ZKSCAN4: variants seen among roughly 807,000 people sequenced by gnomAD.
The protein encoded by ZKSCAN4 is zinc finger protein with KRAB and SCAN domains 4.
Under a neutral mutation model 30.8 loss-of-function variants are expected in ZKSCAN4, and 23 were observed. That is an observed-to-expected ratio of 0.75 (90% confidence interval 0.54 to 1.06). The LOEUF (loss-of-function observed/expected upper bound fraction) is 1.06, where lower values mean the gene tolerates loss of function less well. Ranked by LOEUF, ZKSCAN4 falls within the 50% of genes least tolerant of loss-of-function variation. ZKSCAN4 has a pLI of 0.00. For missense variants in ZKSCAN4, 556 were observed against 665.4 expected (o/e 0.84, Z 1.81); for synonymous variants, 208 against 252.5 (o/e 0.82, Z 1.67).
At position 28,251,746 on chromosome 6, in the gene ZKSCAN4, C is replaced by T. The variant is rs369687865; in HGVS notation, c.235G>A (p.Gly79Arg). Reference protein sequence around the residue: ...EALSRLRELCGQWLQPEMHSK... With the variant: ...EALSRLRELCRQWLQPEMHSK... ...TGCATCTCAGGCTGCAGCCATTGTCCGCAGAGTTCTCGGAGCCGGCTCAAC... is the reference window on the plus strand; with the variant it reads ...TGCATCTCAGGCTGCAGCCATTGTCTGCAGAGTTCTCGGAGCCGGCTCAAC... The change falls in exon 1 of 5, where the codon GGA (glycine) becomes AGA (arginine). Residue 79 changes from glycine to arginine, a missense_variant. Around this residue, in one of 3 missense-constraint regions of ZKSCAN4, gnomAD observed 115 missense variants for 125.9 expected, o/e 0.91. Coordinates refer to ENST00000377294, the MANE Select transcript of ZKSCAN4 (RefSeq NM_019110.5). The surrounding 1 kb of genome is among the most constrained non-coding windows in gnomAD (Gnocchi z 4.5). 1 of 1,614,268 alleles carries T rather than the reference C, an allele frequency of 6.2e-7. No individual in the cohort carries two copies. Among genetic ancestry groups the T allele is most frequent in the East Asian group, 2.2e-5 (1 of 44,886 alleles).
chr6:28,252,080 G>GT lies in ZKSCAN4; in HGVS notation c.-101dup, dbSNP rs1761030723. On this transcript the variant is annotated 5_prime_UTR_variant, in exon 1 of 5. An upstream open reading frame in the 5' UTR loses its in-frame stop. Transcript: ENST00000377294. ...AAATTTTCCAGTAGAACTGCAAGTGGTCCCCCTCCTGTCATGCCCAGGGGC... is the reference window on the plus strand; with the variant it reads ...AAATTTTCCAGTAGAACTGCAAGTGGTTCCCCCTCCTGTCATGCCCAGGGGC... 14 of 1,341,644 alleles carry GT rather than the reference G, an allele frequency of 1.0e-5. No homozygotes were observed. The highest frequency in any genetic ancestry group is 1.0e-6 in the Non-Finnish European group (1 of 992,120). The allele number at this position is 1,341,644 out of a possible 1,614,324, so 83.1% of individuals were successfully genotyped here. A position where few individuals can be genotyped will look rare whatever the true frequency, so the allele number is the denominator to read the frequency against.
In ZKSCAN4 at chr6:28,251,924, C is replaced by G. The variant is rs763941148; in HGVS notation, c.57G>C (p.Gln19His). 2.6e-6 allele frequency: 4 copies of G among 1,528,636 alleles called. No individual in the cohort carries two copies. The highest frequency in any genetic ancestry group is 3.5e-6 in the Non-Finnish European group (4 of 1,143,806). The allele number at this position is 1,528,636 out of a possible 1,614,324, so 94.7% of individuals were successfully genotyped here. A position where few individuals can be genotyped will look rare whatever the true frequency, so the allele number is the denominator to read the frequency against. ...CCACCTTCACGGTCAGGAGCCCCGT[C>G]TGGTCTTCTGCAGACTGGGCGTCCA... Reference protein sequence around the residue: ...AALDAQSAEDQTGLLTVKVEK... With the variant: ...AALDAQSAEDHTGLLTVKVEK... The change falls in exon 1 of 5, where the codon CAG (glutamine) becomes CAC (histidine). Residue 19 changes from glutamine (Q) to histidine (H), a missense_variant. Gln to His is a conservative substitution (Grantham distance 24). Transcript: ENST00000377294. The surrounding 1 kb of genome is among the most constrained non-coding windows in gnomAD (Gnocchi z 4.5).
Position 28,249,759 on chromosome 6 carries a change from T to G in ZKSCAN4, c.499A>C (p.Ser167Arg). 6.2e-7 allele frequency: 1 copy of G among 1,614,176 alleles called. No homozygotes were observed. Among genetic ancestry groups the G allele is most frequent in the Non-Finnish European group, 8.5e-7 (1 of 1,180,030 alleles). ...GCCTTCATTGGCTGGCACTGGCTACTTTGAGACCCTTGAGTTTGTGTCAAT... is the reference window on the plus strand; with the variant it reads ...GCCTTCATTGGCTGGCACTGGCTACGTTGAGACCCTTGAGTTTGTGTCAAT... ...ALLTQTQGSQ[S>R]SQCQPMKALF... The change falls in exon 2 of 5, where the codon AGT becomes CGT. Residue 167 changes from serine to arginine, a missense_variant. By Grantham distance (110) the Ser-to-Arg change is moderately radical. Coordinates refer to ENST00000377294, the MANE Select transcript of ZKSCAN4 (RefSeq NM_019110.5). The surrounding 1 kb of genome is among the most constrained non-coding windows in gnomAD (Gnocchi z 4.1).
At chr6:28,256,908 G>A (rs1378047804), upstream of ZKSCAN4, among the ~76,000 whole-genome samples, 1 of 152,130 alleles carries the variant, frequency 6.6e-6, no homozygotes, top group African/African-American at 2.4e-5. Flanking sequence ...ATAAAATTTA[G>A]TAACGTGAAA....
chr6:28,249,627 T>C lies in ZKSCAN4; in HGVS notation c.571+60A>G. On this transcript the variant is annotated intron_variant, in intron 2 of 4. Coordinates refer to ENST00000377294, the MANE Select transcript of ZKSCAN4 (RefSeq NM_019110.5). This position sits in a 1 kb window ranked among gnomAD's most constrained non-coding sequence, Gnocchi z 4.1. Reference sequence around the variant, plus strand: ...AACTGTAAATGGATCTTTTAGGTGATCCTTAAATGAAATTGGATGAAGTCT... The same window carrying C: ...AACTGTAAATGGATCTTTTAGGTGACCCTTAAATGAAATTGGATGAAGTCT... 1 of 1,567,726 alleles carries C rather than the reference T, an allele frequency of 6.4e-7. No homozygotes were observed.
At chr6:28,258,246 TAGAG>T in the ZKSCAN4 span, among the ~76,000 whole-genome samples, 1 of 152,198 alleles carries the variant, frequency 6.6e-6, no homozygotes, top group African/African-American at 2.4e-5. Flanking sequence ...TCAACTTAAT[TAGAG>T]AGAACCAAGA....
At chr6:28,259,024 A>G in the ZKSCAN4 span, among the ~76,000 whole-genome samples, 6 of 152,176 alleles carry the variant, frequency 3.9e-5, no homozygotes. Context: ...GGAAGAACAA[A>G]GGGTGAGAAG....
At chr6:28,258,520 G>A in the ZKSCAN4 span, among the ~76,000 whole-genome samples, 1 of 151,654 alleles carries the variant, frequency 6.6e-6, no homozygotes, top group African/African-American at 2.4e-5. Flanking sequence ...GCTCACACCT[G>A]TAATTCCAGC....
Position 28,252,222 on chromosome 6 carries a change from T to C in ZKSCAN4, c.-242A>G, listed in dbSNP as rs939747789. Reference sequence around the variant, plus strand: ...AGTAAGTATCACCAAAGGATGTCTTTGGGAGTGAAAGTGATCACTCTCCAG... The same window carrying C: ...AGTAAGTATCACCAAAGGATGTCTTCGGGAGTGAAAGTGATCACTCTCCAG... On this transcript the variant is annotated 5_prime_UTR_variant, in exon 1 of 5. Transcript: ENST00000377294. 2.7e-6 allele frequency: 1 copy of C among 370,934 alleles called. No individual in the cohort carries two copies. Among genetic ancestry groups the C allele is most frequent in the Non-Finnish European group, 4.8e-6 (1 of 208,386 alleles). The allele number at this position is 370,934 out of a possible 1,614,324, so 23.0% of individuals were successfully genotyped here. A position where few individuals can be genotyped will look rare whatever the true frequency, so the allele number is the denominator to read the frequency against.
In ZKSCAN4 at chr6:28,243,496, G is replaced by A. The variant is rs980699562; in HGVS notation, c.*1620C>T. On this transcript the variant is annotated 3_prime_UTR_variant, in exon 5 of 5. Transcript: ENST00000377294. ...CGGAAGAAATCAGTCTTTAAGCATC[G>A]CAGGTGATTTGGGTGAAAGCAGAAG... Among the ~76,000 whole-genome samples, 3 of 152,122 alleles carry A rather than the reference G, an allele frequency of 2.0e-5. No individual in the cohort carries two copies. Among genetic ancestry groups the A allele is most frequent in the Non-Finnish European group, 2.9e-5 (2 of 68,020 alleles).
chr6:28,247,345 G>A (rs1446797757), intron 3 of ZKSCAN4, among the ~76,000 whole-genome samples: 1 of 152,168 alleles, frequency 6.6e-6, no homozygotes. Flanking sequence ...TGGAAGACAA[G>A]GGTCAATGCA....
intron 1 of ZKSCAN4, among the ~76,000 whole-genome samples, 185 bp from the exon 2 acceptor site, chr6:28,250,019 G>T (rs68141011): frequency 0.15 from 23,264 of 151,408 alleles, 1,997 homozygotes; most frequent in African/African-American, 0.23. Flanking sequence ...GATGTGGCCC[G>T]GATCCTCTCT....
rs1359774858 is a variant in ZKSCAN4 at position 28,249,511 on chromosome 6, C to T, written c.571+176G>A. 6.6e-6 allele frequency among the ~76,000 whole-genome samples: 1 copy of T among 152,110 alleles called. No individual in the cohort carries two copies. The highest frequency in any genetic ancestry group is 1.5e-5 in the Non-Finnish European group (1 of 68,018). On this transcript the variant is annotated intron_variant, in intron 2 of 4. Coordinates refer to ENST00000377294, the MANE Select transcript of ZKSCAN4 (RefSeq NM_019110.5). The surrounding 1 kb of genome is among the most constrained non-coding windows in gnomAD (Gnocchi z 4.1). Reference sequence around the variant, plus strand: ...TTAATAAAATCAGATTTACTATGTCCTAGTTTGGTTAGGAAAGTTTTTCAC... The same window carrying T: ...TTAATAAAATCAGATTTACTATGTCTTAGTTTGGTTAGGAAAGTTTTTCAC...
chr6:28,254,532 G>A (rs181621077), upstream of ZKSCAN4, among the ~76,000 whole-genome samples: 4 of 152,138 alleles, frequency 2.6e-5, no homozygotes, highest in Admixed American at 1.3e-4. Context: ...TTCTGGAGTT[G>A]AATTCTGCCT....
intron 4 of ZKSCAN4, 118 bp from the exon 5 acceptor site, chr6:28,246,093 T>C: frequency 1.5e-6 from 2 of 1,364,752 alleles, no homozygotes; most frequent in Admixed American, 2.0e-5. Flanking sequence ...GATGAGGATT[T>C]AAGTGCTAGA....
At position 28,249,584 on chromosome 6, in the gene ZKSCAN4, G is replaced by C. The variant is rs1192843831; in HGVS notation, c.571+103C>G. On this transcript the variant is annotated intron_variant, in intron 2 of 4. Coordinates refer to ENST00000377294, the MANE Select transcript of ZKSCAN4 (RefSeq NM_019110.5). This position sits in a 1 kb window ranked among gnomAD's most constrained non-coding sequence, Gnocchi z 4.1. ...TCTCAGTCTTAAAATACAGCTCTCT[G>C]TGATGAGTATATAAAGTAACTGTAA... 1 of 1,347,068 alleles carries C rather than the reference G, an allele frequency of 7.4e-7. No individual in the cohort carries two copies. The highest frequency in any genetic ancestry group is 1.0e-6 in the Non-Finnish European group (1 of 999,682). The allele number at this position is 1,347,068 out of a possible 1,614,324, so 83.4% of individuals were successfully genotyped here.
rs1365719223 is a variant in ZKSCAN4 at position 28,251,802 on chromosome 6, C to T, written c.179G>A (p.Arg60His). Reference protein sequence around the residue: ...ERSRQRFRGFRYPEAAGPREA... With the variant: ...ERSRQRFRGFHYPEAAGPREA... ...GCGGGGGCCCGCAGCCTCCGGGTAG[C>T]GGAAGCCTCGGAAGCGCTGGCGGGA... Residue 60 changes from arginine to histidine, a missense_variant, in exon 1 of 5, where the codon CGC becomes CAC. Coordinates refer to ENST00000377294, the MANE Select transcript of ZKSCAN4 (RefSeq NM_019110.5). This position sits in a 1 kb window ranked among gnomAD's most constrained non-coding sequence, Gnocchi z 4.5. 1 of 1,612,932 alleles carries T rather than the reference C, an allele frequency of 6.2e-7. No individual in the cohort carries two copies. Among genetic ancestry groups the T allele is most frequent in the Non-Finnish European group, 8.5e-7 (1 of 1,179,284 alleles).
rs776308011 is a variant in ZKSCAN4 at position 28,245,995 on chromosome 6, G to A, written c.779-20C>T. 1.9e-6 allele frequency: 3 copies of A among 1,614,130 alleles called. No individual in the cohort carries two copies. The Admixed American group carries it at 5.0e-5, about 27-fold the overall frequency. ...CACCACCTGAAACAACAAATGGCCG[G>A]CAACTGTGGGTTATGCCCTGCCATG... is the stretch of plus-strand genomic sequence containing the variant. On this transcript the variant is annotated intron_variant, in intron 4 of 4. Transcript: ENST00000377294.
At chr6:28,254,778 G>A (rs72850298), upstream of ZKSCAN4, among the ~76,000 whole-genome samples, 5,346 of 152,278 alleles carry the variant, frequency 0.035, 135 homozygotes, top group Non-Finnish European at 0.053. Flanking sequence ...TCTTTATCTG[G>A]AACTGTTGTA....
Sources: allele counts gnomAD v4.1 joint callset (sites outside exome capture counted in the v4.1 genomes callset), GRCh38; gene constraint gnomAD v4.1.1; regional missense constraint gnomAD v4.1.1; non-coding constraint Gnocchi (gnomAD v3.1); transcripts MANE v1.5; gene names NCBI Gene and HGNC (gene_info 2026-07-23, HGNC 2026-07-21).